The following SMTNL1 variants were observed in gnomAD, a reference collection of about 807,000 sequenced individuals.
SMTNL1 encodes the protein smoothelin like 1.
In SMTNL1, 41 loss-of-function variants were observed where a neutral mutation model predicts 46.6. The ratio of observed to expected loss-of-function variants is 0.88; its 90% CI spans 0.69 to 1.14. The LOEUF (loss-of-function observed/expected upper bound fraction) is 1.14. Among genes scored for constraint, SMTNL1 ranks in the 50% most tolerant of loss-of-function variants. SMTNL1 has a pLI of 0.00. For missense variants in SMTNL1, 591 were observed against 626.1 expected, an observed-to-expected ratio of 0.94 and a Z score of 0.60; for synonymous variants, 234 against 234.2, an observed-to-expected ratio of 1.00 and a Z score of 0.01.
chr11:57,546,406 G>A, intron 6 of SMTNL1, 59 bp downstream of exon 6: 1 of 577,670 alleles, frequency 1.7e-6, no homozygotes. Context: ...TCCAAGTGGT[G>A]CAAACCCCAA....
chr11:57,549,536 T>C (rs2135268697), intron 7 of SMTNL1, among the ~76,000 whole-genome samples: 1 of 152,186 alleles, frequency 6.6e-6, no homozygotes, highest in Middle Eastern at 3.4e-3. Context: ...TTTGTTTTTA[T>C]TTTTTGGAGA....
intron 7 of SMTNL1, among the ~76,000 whole-genome samples, chr11:57,548,507 T>TA (rs1398737047): frequency 6.6e-6 from 1 of 151,946 alleles, no homozygotes; most frequent in Non-Finnish European, 1.5e-5. Flanking sequence ...TTGTCTCTAC[T>TA]AAAAATACAA....
At chr11:57,543,523 C>T (rs1251176810) in intron 2 of SMTNL1, 101 bp from the exon 3 acceptor site, 2 of 1,526,464 alleles carry the variant, frequency 1.3e-6, no homozygotes, top group East Asian at 2.4e-5. Flanking sequence ...AGGAGTGCAG[C>T]ACCGTAGTCC....
chr11:57,539,592 T>A (rs1320663991), intron 1 of SMTNL1, among the ~76,000 whole-genome samples: 1 of 152,152 alleles, frequency 6.6e-6, no homozygotes, highest in Admixed American at 6.5e-5. Context: ...CAAGCATGCC[T>A]CTGAATCCTG....
At chr11:57,548,830 C>T (rs1211934588) in intron 7 of SMTNL1, among the ~76,000 whole-genome samples, 1 of 152,142 alleles carries the variant, frequency 6.6e-6, no homozygotes, top group Non-Finnish European at 1.5e-5. Flanking sequence ...TCTCCTGCCA[C>T]AAGAATTTCT....
chr11:57,538,195 G>T (rs1394838223), intron 1 of SMTNL1, among the ~76,000 whole-genome samples: 1 of 152,182 alleles, frequency 6.6e-6, no homozygotes, highest in East Asian at 1.9e-4. Flanking sequence ...CTCCAAGGGA[G>T]GGCCCCTGGC....
At position 57,546,546 on chromosome 11, in the gene SMTNL1, G is replaced by A; in HGVS notation, c.1234G>A (p.Ala412Thr). 3 of 1,614,176 alleles carry A rather than the reference G, an allele frequency of 1.9e-6. No homozygotes were observed. Among genetic ancestry groups the A allele is most frequent in the South Asian group, 1.1e-5 (1 of 91,084 alleles). The change falls in exon 7 of 8, where the codon GCC becomes ACC. Residue 412 changes from alanine (A) to threonine (T), a missense_variant. Physicochemically the swap from Ala to Thr is moderately conservative, Grantham distance 58. Transcript: ENST00000527972. ...CTCCTCCAGCTGGAGCAGTGGTATG[G>A]CCTTCTGTGCCCTCATCCACAAGTT... ...NFSSSWSSGM[A>T]FCALIHKFFP...
In SMTNL1 at chr11:57,538,119, C is replaced by G. The variant is rs549682903; in HGVS notation, c.-3+477C>G. ...CATGTGGCCCAAGACACTTCTACTT[C>G]TACCAGTGTGGCTCAAGGAAGCCAA... On this transcript the variant is annotated intron_variant, in intron 1 of 7. Transcript: ENST00000527972. Among the ~76,000 whole-genome samples the G allele has an allele frequency of 4.0e-5, 6 of 151,806 alleles. No individual in the cohort carries two copies. The South Asian group carries it at 1.2e-3, about 32-fold the overall frequency.
At chr11:57,545,503 G>A (rs939877241) in intron 4 of SMTNL1, among the ~76,000 whole-genome samples, 1 of 151,796 alleles carries the variant, frequency 6.6e-6, no homozygotes, top group Non-Finnish European at 1.5e-5. Context: ...TACTCAGGAG[G>A]CTGAGGCAGG....
In SMTNL1 at chr11:57,543,663, G is replaced by A; in HGVS notation, c.772G>A (p.Glu258Lys). Residue 258 changes from glutamate (E) to lysine (K), a missense_variant, in exon 3 of 8, where the codon GAA (glutamate) becomes AAA (lysine). Transcript: ENST00000527972. ...SPSEEQEQDV[E>K]KEPEGGAGVI... ...CAGCGAAGAGCAGGAGCAGGACGTG[G>A]AAAAAGAGCCAGAGGGAGGGGCAGG... 6.2e-7 allele frequency: 1 copy of A among 1,605,760 alleles called. No homozygotes were observed. The highest frequency in any genetic ancestry group is 8.5e-7 in the Non-Finnish European group (1 of 1,176,628).
At chr11:57,541,012 TC>T (rs1022774400) in intron 1 of SMTNL1, among the ~76,000 whole-genome samples, 10 of 152,280 alleles carry the variant, frequency 6.6e-5, no homozygotes, top group African/African-American at 2.4e-4. Flanking sequence ...CCCGGCGTCA[TC>T]TTCCCTCTTA....
At position 57,543,134 on chromosome 11, in the gene SMTNL1, A is replaced by G; in HGVS notation, c.492A>G (p.Ala164=). The change falls in exon 2 of 8, where the codon GCA becomes GCG. Residue 164 remains alanine, a synonymous_variant. Transcript: ENST00000527972. ...ANDRDKPEPK[A]TVEEEDAKTA... Reference sequence around the variant, plus strand: ...ACAGAGACAAGCCTGAACCTAAGGCAACAGTTGAGGAGGAGGACGCCAAGA... The same window carrying G: ...ACAGAGACAAGCCTGAACCTAAGGCGACAGTTGAGGAGGAGGACGCCAAGA... 1 of 1,613,378 alleles carries G rather than the reference A, an allele frequency of 6.2e-7. No individual in the cohort carries two copies. The highest frequency in any genetic ancestry group is 8.5e-7 in the Non-Finnish European group (1 of 1,179,614).
intron 1 of SMTNL1, chr11:57,541,586 C>T (rs769518621): frequency 4.0e-5 from 55 of 1,365,446 alleles, no homozygotes; most frequent in South Asian, 8.0e-5. Flanking sequence ...CTCAAGGAAA[C>T]GCTTCCTTGC....
rs771493697 is a variant in SMTNL1 at position 57,543,638 on chromosome 11, C to T, written c.747C>T (p.Pro249=). The T allele has an allele frequency of 1.7e-5, 28 of 1,607,392 alleles. No individual in the cohort carries two copies. The highest frequency in any genetic ancestry group is 2.4e-5 in the Non-Finnish European group (28 of 1,177,440). The change falls in exon 3 of 8, where the codon CCC becomes CCT. Residue 249 remains proline (P), a synonymous_variant. Coordinates refer to ENST00000527972, the MANE Select transcript of SMTNL1 (RefSeq NM_001105565.3). The part of the protein sequence containing the change: ...EDAEEAEPGS[P]SEEQEQDVEK... ...GCTCATTCCAGGAGCCAGGCAGTCC[C>T]AGCGAAGAGCAGGAGCAGGACGTGG...
chr11:57,542,194 A>C (rs950137833), intron 1 of SMTNL1, among the ~76,000 whole-genome samples: 1 of 151,948 alleles, frequency 6.6e-6, no homozygotes, highest in African/African-American at 2.4e-5. Context: ...GCTACTCAGG[A>C]GGCTGAGGTT....
Position 57,550,099 on chromosome 11 carries a change from C to A in SMTNL1, c.1472C>A (p.Thr491Asn). The change falls in exon 8 of 8, where the codon ACC becomes AAC. Residue 491 changes from threonine (T) to asparagine (N), a missense_variant. Thr to Asn is a moderately conservative substitution (Grantham distance 65, BLOSUM62 0). Coordinates refer to ENST00000527972, the MANE Select transcript of SMTNL1 (RefSeq NM_001105565.3). ...RSLVQKGLVK[T>N]KKK ...CTTGTGCAGAAAGGACTGGTGAAGA[C>A]CAAGAAGAAGTGAGGAGGTGACTGG... 1.9e-6 allele frequency: 3 copies of A among 1,612,974 alleles called. No homozygotes were observed. Among genetic ancestry groups the A allele is most frequent in the Non-Finnish European group, 2.5e-6 (3 of 1,179,442 alleles).
At chr11:57,541,863 A>T (rs755063819) in intron 1 of SMTNL1, among the ~76,000 whole-genome samples, 2 of 152,170 alleles carry the variant, frequency 1.3e-5, no homozygotes, top group Non-Finnish European at 2.9e-5. Flanking sequence ...AAGTAACTGT[A>T]AAAATAAATA....
In SMTNL1 at chr11:57,546,608, C is replaced by A. The variant is rs762386856; in HGVS notation, c.1296C>A (p.Pro432=). The part of the protein sequence containing the change: ...PDAFDYAELD[P]AKRRHNFTLA... ...CCTTTGACTACGCAGAGCTGGATCC[C>A]GCAAAGCGCCGGCACAACTTCACCC... Residue 432 remains proline (P), a synonymous_variant, in exon 7 of 8, where the codon CCC becomes CCA. Transcript: ENST00000527972. 6.2e-7 allele frequency: 1 copy of A among 1,613,948 alleles called. No homozygotes were observed. Among genetic ancestry groups the A allele is most frequent in the Non-Finnish European group, 8.5e-7 (1 of 1,179,890 alleles).
Position 57,545,189 on chromosome 11 carries a change from A to C in SMTNL1, c.918-692A>C, listed in dbSNP as rs191324110. 3.9e-4 allele frequency among the ~76,000 whole-genome samples: 60 copies of C among 152,288 alleles called. 1 individual carries two copies. The East Asian group carries it at 9.5e-3, about 24-fold the overall frequency. ...ACCAGTGAATAGTCACCCAGCAGGCACAGCTGGATGCTTTACATTCACCTT... is the reference window on the plus strand; with the variant it reads ...ACCAGTGAATAGTCACCCAGCAGGCCCAGCTGGATGCTTTACATTCACCTT... On this transcript the variant is annotated intron_variant, in intron 4 of 7. Coordinates refer to ENST00000527972, the MANE Select transcript of SMTNL1 (RefSeq NM_001105565.3).
Sources: allele counts gnomAD v4.1 joint callset (sites outside exome capture counted in the v4.1 genomes callset), GRCh38; gene constraint gnomAD v4.1.1; transcripts MANE v1.5; gene names NCBI Gene and HGNC (gene_info 2026-07-23, HGNC 2026-07-21).